The following CELF2 variants were observed in gnomAD, a reference collection of about 807,000 sequenced individuals.
The protein encoded by CELF2 is CUG triplet repeat RNA-binding protein 2.
Under a neutral mutation model 62.6 loss-of-function variants are expected in CELF2, and 8 were observed. That is an observed-to-expected ratio of 0.13 (90% confidence interval 0.07 to 0.23). The LOEUF (loss-of-function observed/expected upper bound fraction) is 0.23, where lower values mean the gene tolerates loss of function less well. Among genes scored for constraint, CELF2 ranks in the 10% least tolerant of loss-of-function variants. CELF2 has a pLI of 1.00. For synonymous variants in CELF2, 258 were observed against 250.0 expected, an observed-to-expected ratio of 1.03 and a Z score of -0.30; for missense variants, 333 against 671.0, an observed-to-expected ratio of 0.50 and a Z score of 5.56.
intron 1 of CELF2, among the ~76,000 whole-genome samples, chr10:11,161,605 A>G (rs61832286): frequency 0.047 from 7,157 of 152,346 alleles, 250 homozygotes; most frequent in Non-Finnish European, 0.071. Context: ...AGAGTATTGT[A>G]TATCAAGTAC....
chr10:11,239,528 G>C (rs2072974668), intron 3 of CELF2, among the ~76,000 whole-genome samples: 1 of 152,224 alleles, frequency 6.6e-6, no homozygotes, highest in South Asian at 2.1e-4. Flanking sequence ...AGAGGATGAT[G>C]ATGACAACTG....
chr10:10,644,996 G>C, the CELF2 span, among the ~76,000 whole-genome samples: 13 of 152,276 alleles, frequency 8.5e-5, no homozygotes, highest in South Asian at 2.1e-4. Context: ...GAGAGAAAGC[G>C]CCTCTCTCCC....
At chr10:10,771,022 A>G in the CELF2 span, among the ~76,000 whole-genome samples, 1 of 152,232 alleles carries the variant, frequency 6.6e-6, no homozygotes, top group Non-Finnish European at 1.5e-5. Context: ...TTAAAGAGAC[A>G]GATCCTTGGG....
chr10:10,721,283 C>T, the CELF2 span, among the ~76,000 whole-genome samples: 2 of 152,134 alleles, frequency 1.3e-5, no homozygotes, highest in African/African-American at 2.4e-5. Flanking sequence ...CCAAATAGAT[C>T]TAGTTTGAAA....
At chr10:11,014,252 G>T (rs1026121919), upstream of CELF2, among the ~76,000 whole-genome samples, 3 of 152,202 alleles carry the variant, frequency 2.0e-5, no homozygotes, top group African/African-American at 7.2e-5. Context: ...GTGGCTTTTT[G>T]AGTTGACTGA....
intron 1 of CELF2, among the ~76,000 whole-genome samples, chr10:10,836,436 C>T (rs1048329097): frequency 2.0e-5 from 3 of 152,076 alleles, no homozygotes. Context: ...TGTGTCTATT[C>T]GATATGACAA....
At chr10:10,501,622 C>A in the CELF2 span, among the ~76,000 whole-genome samples, 1 of 152,020 alleles carries the variant, frequency 6.6e-6, no homozygotes, top group Admixed American at 6.6e-5. Context: ...ACAAGTGCAA[C>A]TGATTTTTAT....
At chr10:10,478,339 A>T in the CELF2 span, among the ~76,000 whole-genome samples, 2 of 152,230 alleles carry the variant, frequency 1.3e-5, no homozygotes, top group Non-Finnish European at 2.9e-5. Flanking sequence ...TTTATCATTA[A>T]GTATATTACA....
intron 1 of CELF2, among the ~76,000 whole-genome samples, chr10:11,007,343 A>T (rs1238155317): frequency 6.6e-6 from 1 of 152,208 alleles, no homozygotes; most frequent in Non-Finnish European, 1.5e-5. Context: ...ATTTTTTAGA[A>T]TTTGGACGTG....
In CELF2 at chr10:11,214,658, G is replaced by A. The variant is rs781299509; in HGVS notation, c.272-2767G>A. ...GGCTCAGCTCTTGGGTCGGACAGAT[G>A]AACGGTAAGGCACATTAGCAGTGTT... On this transcript the variant is annotated intron_variant, in intron 2 of 12. Coordinates refer to ENST00000633077, the MANE Select transcript of CELF2 (RefSeq NM_001326342.2). The surrounding 1 kb of genome is among the most constrained non-coding windows in gnomAD (Gnocchi z 4.2). 6.6e-6 allele frequency among the ~76,000 whole-genome samples: 1 copy of A among 152,216 alleles called. No individual in the cohort carries two copies. Among genetic ancestry groups the A allele is most frequent in the Non-Finnish European group, 1.5e-5 (1 of 68,044 alleles).
chr10:10,584,316 A>G, the CELF2 span, among the ~76,000 whole-genome samples: 4 of 152,330 alleles, frequency 2.6e-5, no homozygotes, highest in Admixed American at 2.6e-4. Context: ...AGATTTACAG[A>G]CCATAAAAGG....
rs1309135412 is a variant in CELF2, at chr10:11,011,423, G to C, written c.53+5983G>C. On this transcript the variant is annotated intron_variant, in intron 1 of 12. Coordinates refer to the CELF2 transcript ENST00000416382. This position sits in a 1 kb window ranked among gnomAD's most constrained non-coding sequence, Gnocchi z 4.6. Reference sequence around the variant, plus strand: ...CAGATGGAGGTGGGTGAGGGGGAGAGGGAAGGTGTCATTAGGACACCCTGA... The same window carrying C: ...CAGATGGAGGTGGGTGAGGGGGAGACGGAAGGTGTCATTAGGACACCCTGA... Among the ~76,000 whole-genome samples the C allele has an allele frequency of 1.3e-5, 2 of 149,906 alleles. No individual in the cohort carries two copies. The highest frequency in any genetic ancestry group is 3.0e-5 in the Non-Finnish European group (2 of 67,534).
chr10:10,598,747 C>CTTTTTTTTTTT, the CELF2 span, among the ~76,000 whole-genome samples: 3 of 73,178 alleles, frequency 4.1e-5, no homozygotes, highest in Non-Finnish European at 6.4e-5. Context: ...TTTTCTTTTT[C>CTTTTTTTTTTT]TTTCTTTTTT....
intron 2 of CELF2, among the ~76,000 whole-genome samples, chr10:10,961,309 A>C (rs1171068929): frequency 6.6e-6 from 1 of 152,202 alleles, no homozygotes; most frequent in Non-Finnish European, 1.5e-5. Context: ...TGTGATATTG[A>C]CTTCCTGAAG....
chr10:10,770,986 C>T, the CELF2 span, among the ~76,000 whole-genome samples: 36 of 152,218 alleles, frequency 2.4e-4, no homozygotes, highest in East Asian at 6.2e-3. Flanking sequence ...GAGCACTGGG[C>T]GTTCATATTT....
the CELF2 span, among the ~76,000 whole-genome samples, chr10:10,489,758 C>T: frequency 6.6e-6 from 1 of 151,012 alleles, no homozygotes; most frequent in Non-Finnish European, 1.5e-5. Flanking sequence ...ATCCTTAAAA[C>T]AAAACGTGAC....
chr10:10,833,259 C>T (rs942842485), intron 1 of CELF2, among the ~76,000 whole-genome samples: 33 of 152,074 alleles, frequency 2.2e-4, no homozygotes, highest in African/African-American at 3.6e-4. Flanking sequence ...TTAATGTAAA[C>T]GAAGCAATAG....
chr10:10,494,686 T>G, the CELF2 span, among the ~76,000 whole-genome samples: 1 of 152,238 alleles, frequency 6.6e-6, no homozygotes, highest in Non-Finnish European at 1.5e-5. Flanking sequence ...AGAGGGTTTT[T>G]TGAGCATCTG....
chr10:10,682,226 G>A, the CELF2 span, among the ~76,000 whole-genome samples: 1 of 152,146 alleles, frequency 6.6e-6, no homozygotes, highest in Non-Finnish European at 1.5e-5. Context: ...TTACTCTGAC[G>A]GGGAACAACA....
Sources: allele counts gnomAD v4.1 joint callset (sites outside exome capture counted in the v4.1 genomes callset), GRCh38; gene constraint gnomAD v4.1.1; non-coding constraint Gnocchi (gnomAD v3.1); transcripts MANE v1.5; gene names NCBI Gene and HGNC (gene_info 2026-07-23, HGNC 2026-07-21).